LPIN1: variants seen among roughly 807,000 people sequenced by gnomAD.
The protein encoded by LPIN1 is lipin 1.
A neutral mutation model predicts 107.5 loss-of-function variants in LPIN1; 71 were observed. The ratio of observed to expected loss-of-function variants is 0.66; its 90% CI spans 0.55 to 0.80. The LOEUF (loss-of-function observed/expected upper bound fraction) is 0.80, where lower values mean the gene tolerates loss of function less well. LPIN1 is among the 30% of genes least tolerant of loss of function. LPIN1 has a pLI of 0.00. For missense variants in LPIN1, 1,043 were observed against 1,160.6 expected (o/e 0.90, Z 1.47); for synonymous variants, 445 against 452.6 (o/e 0.98, Z 0.21).
At chr2:11,712,060 G>A (rs1042716206) in intron 1 of LPIN1, among the ~76,000 whole-genome samples, 2 of 152,214 alleles carry the variant, frequency 1.3e-5, no homozygotes, top group African/African-American at 4.8e-5. Context: ...AGAGCACAAG[G>A]CCAGAGGTCC....
chr2:11,797,650 A>G (rs756839083), intron 14 of LPIN1, among the ~76,000 whole-genome samples: 2 of 150,318 alleles, frequency 1.3e-5, no homozygotes, highest in Middle Eastern at 3.4e-3. Flanking sequence ...ATTTGTCCCA[A>G]TGGAAACAGG....
chr2:11,804,391 GCAGA>G, intron 15 of LPIN1, 28 bp from the exon 16 acceptor site: 1 of 1,613,646 alleles, frequency 6.2e-7, no homozygotes, highest in Non-Finnish European at 8.5e-7. Flanking sequence ...TTTCCCTCAA[GCAGA>G]CAAATACTAA....
At chr2:11,809,309 AAG>A (rs1221041694) in intron 17 of LPIN1, among the ~76,000 whole-genome samples, 2 of 152,214 alleles carry the variant, frequency 1.3e-5, no homozygotes, top group African/African-American at 4.8e-5. Context: ...ACTTAGAAAA[AAG>A]AACACTTACC....
intron 1 of LPIN1, among the ~76,000 whole-genome samples, chr2:11,702,752 G>A (rs866802786): frequency 2.6e-5 from 4 of 152,232 alleles, no homozygotes; most frequent in Middle Eastern, 3.4e-3. Context: ...CTATCTCTCT[G>A]TCTCTGCTTC....
At chr2:11,727,027 T>C (rs900290252) in intron 1 of LPIN1, among the ~76,000 whole-genome samples, 2 of 152,264 alleles carry the variant, frequency 1.3e-5, no homozygotes, top group African/African-American at 4.8e-5. Flanking sequence ...TTGTCAACCC[T>C]GAACACTTGA....
At chr2:11,716,798 C>T (rs915265390) in intron 2 of LPIN1, among the ~76,000 whole-genome samples, 1 of 152,170 alleles carries the variant, frequency 6.6e-6, no homozygotes, top group Non-Finnish European at 1.5e-5. Context: ...ACCCACCTCC[C>T]CCGGCTCTAT....
In LPIN1 at chr2:11,765,437, A is replaced by AATT; in HGVS notation, c.-9-94_-9-93insTAT. 1 of 1,156,074 alleles carries AATT rather than the reference A, an allele frequency of 8.6e-7. No individual in the cohort carries two copies. The highest frequency in any genetic ancestry group is 1.4e-5 in the South Asian group (1 of 70,018). The allele number at this position is 1,156,074 out of a possible 1,614,324, so 71.6% of individuals were successfully genotyped here. A position where few individuals can be genotyped will look rare whatever the true frequency, so the allele number is the denominator to read the frequency against. On this transcript the variant is annotated intron_variant, in intron 1 of 20. Coordinates refer to ENST00000674199, the MANE Select transcript of LPIN1 (RefSeq NM_001349206.2). The surrounding 1 kb of genome is among the most constrained non-coding windows in gnomAD (Gnocchi z 4.4). ...GAGAGGAGCTGAAAGTTGAGTGTGT[A>AATT]ATCCACGTTTTTGAAATGGTGAGGA...
intron 11 of LPIN1, 53 bp from the exon 12 acceptor site, chr2:11,788,334 G>A: frequency 7.1e-7 from 1 of 1,413,662 alleles, no homozygotes; most frequent in South Asian, 1.1e-5. Context: ...CATTGGAAAG[G>A]TTTTCAGTCT....
At chr2:11,744,959 C>T (rs1408732341), upstream of LPIN1, among the ~76,000 whole-genome samples, 2 of 152,242 alleles carry the variant, frequency 1.3e-5, no homozygotes, top group Admixed American at 6.5e-5. Flanking sequence ...CCAAGCCCAG[C>T]GGGAGCGTGT....
At chr2:11,813,171 C>T (rs1050441114) in intron 17 of LPIN1, among the ~76,000 whole-genome samples, 5 of 152,016 alleles carry the variant, frequency 3.3e-5, no homozygotes, top group South Asian at 2.1e-4. Context: ...GCACGTACTG[C>T]GCAGTGGGTG....
At chr2:11,749,982 G>A (rs1369806889) in intron 1 of LPIN1, among the ~76,000 whole-genome samples, 1 of 152,246 alleles carries the variant, frequency 6.6e-6, no homozygotes, top group Non-Finnish European at 1.5e-5. Context: ...TTGTTCCTGA[G>A]TGTGAGCTGA....
At chr2:11,742,970 C>G (rs905754321), upstream of LPIN1, among the ~76,000 whole-genome samples, 7 of 152,248 alleles carry the variant, frequency 4.6e-5, no homozygotes, top group African/African-American at 1.7e-4. Context: ...TTGCCTAGGT[C>G]GGTGCCTGCT....
chr2:11,786,292 G>T lies in LPIN1; in HGVS notation c.1550-782G>T, dbSNP rs1674563762. Among the ~76,000 whole-genome samples the T allele has an allele frequency of 6.6e-6, 1 of 152,192 alleles. No individual in the cohort carries two copies. Among genetic ancestry groups the T allele is most frequent in the Admixed American group, 6.5e-5 (1 of 15,280 alleles). ...TTTTCCTGGACGGAGGAGATTCTCA[G>T]TGTCTGATGTCTGCTGGGTTTCGGT... On this transcript the variant is annotated intron_variant, in intron 10 of 20. Coordinates refer to ENST00000674199, the MANE Select transcript of LPIN1 (RefSeq NM_001349206.2). The surrounding 1 kb of genome is among the most constrained non-coding windows in gnomAD (Gnocchi z 4.1).
intron 9 of LPIN1, 193 bp from the exon 10 acceptor site, chr2:11,784,693 A>G (rs1674190331): frequency 1.5e-6 from 1 of 660,672 alleles, no homozygotes; most frequent in Admixed American, 2.2e-5. Context: ...GCTGAGAAGT[A>G]ATGGTTTTCT....
chr2:11,769,267 G>T (rs78190023), intron 3 of LPIN1, among the ~76,000 whole-genome samples: 1 of 152,202 alleles, frequency 6.6e-6, no homozygotes, highest in African/African-American at 2.4e-5. Context: ...TCTAGTGGGT[G>T]TGAAGTGGTA....
intron 11 of LPIN1, among the ~76,000 whole-genome samples, chr2:11,787,392 C>CTTTTTTTTTTTTTTTTTTTTTTTTTTT (rs1219054361): frequency 1.8e-5 from 2 of 113,692 alleles, no homozygotes. Context: ...CTTTTCTTTT[C>CTTTTTTTTTTTTTTTTTTTTTTTTTTT]TTTTTCTTTT....
intron 2 of LPIN1, among the ~76,000 whole-genome samples, chr2:11,716,271 T>C (rs1198291249): frequency 6.6e-6 from 1 of 152,094 alleles, no homozygotes; most frequent in African/African-American, 2.4e-5. Context: ...GCATTGATCA[T>C]TGTTGTGTCC....
At chr2:11,716,129 G>A (rs1229484138) in intron 2 of LPIN1, among the ~76,000 whole-genome samples, 1 of 152,108 alleles carries the variant, frequency 6.6e-6, no homozygotes, top group Non-Finnish European at 1.5e-5. Flanking sequence ...TGGAAACACC[G>A]AACTGCAGTC....
chr2:11,741,496 TTGGCAAC>T, intron 2 of LPIN1: 1 of 1,247,208 alleles, frequency 8.0e-7, no homozygotes, highest in Non-Finnish European at 1.1e-6. Flanking sequence ...ATAATATTGT[TTGGCAAC>T]TGCAAGGAAA....
Sources: allele counts gnomAD v4.1 joint callset (sites outside exome capture counted in the v4.1 genomes callset), GRCh38; gene constraint gnomAD v4.1.1; non-coding constraint Gnocchi (gnomAD v3.1); transcripts MANE v1.5; gene names NCBI Gene and HGNC (gene_info 2026-07-23, HGNC 2026-07-21).